Variants in RHOBTB1 observed in about 807,000 individuals in gnomAD.
RHOBTB1 encodes the protein Rho related BTB domain containing 1, also known as rho-related BTB domain-containing protein 1.
In RHOBTB1, 40 loss-of-function variants were observed where a neutral mutation model predicts 71.6. The ratio of observed to expected loss-of-function variants is 0.56; its 90% CI spans 0.43 to 0.73. The LOEUF is 0.73. Ranked by LOEUF, RHOBTB1 falls within the 30% of genes least tolerant of loss-of-function variation. The pLI is 0.00. For missense variants in RHOBTB1, 797 were observed against 894.0 expected, an observed-to-expected ratio of 0.89 and a Z score of 1.38; for synonymous variants, 319 against 334.9, an observed-to-expected ratio of 0.95 and a Z score of 0.52.
chr10:61,001,043 AGT>A (rs146849672), intron 1 of RHOBTB1, among the ~76,000 whole-genome samples: 7 of 149,412 alleles, frequency 4.7e-5, no homozygotes, highest in Admixed American at 6.6e-5. Flanking sequence ...CGCCTCCGCC[AGT>A]GTGTGTGTGT....
the RHOBTB1 span, among the ~76,000 whole-genome samples, chr10:60,862,748 TTTCC>T: frequency 6.7e-6 from 1 of 150,232 alleles, no homozygotes; most frequent in Non-Finnish European, 1.5e-5. Flanking sequence ...TCTCCTTCCC[TTTCC>T]TTCCTTCCTT....
intron 6 of RHOBTB1, among the ~76,000 whole-genome samples, chr10:60,886,713 G>T (rs2081594241): frequency 7.6e-6 from 1 of 130,966 alleles, no homozygotes; most frequent in Admixed American, 7.6e-5. Context: ...TTTTTTAAGA[G>T]ATGTGGGGGG....
At chr10:60,993,114 C>T (rs1188475252) in intron 1 of RHOBTB1, among the ~76,000 whole-genome samples, 1 of 151,996 alleles carries the variant, frequency 6.6e-6, no homozygotes, top group African/African-American at 2.4e-5. Context: ...GGGGACGTGT[C>T]TCTCTGCTTG....
chr10:60,905,449 C>CAAAAAAAAAAAAAA (rs35538782), intron 4 of RHOBTB1, among the ~76,000 whole-genome samples: 25 of 48,980 alleles, frequency 5.1e-4, no homozygotes, highest in Non-Finnish European at 8.4e-4. Context: ...GACTCTTTCT[C>CAAAAAAAAAAAAAA]AAAAAAAAAA....
At chr10:60,892,751 C>T in intron 5 of RHOBTB1, 59 bp downstream of exon 5, 4 of 1,479,356 alleles carry the variant, frequency 2.7e-6, no homozygotes, top group South Asian at 1.3e-5. Flanking sequence ...ACAGAGACAC[C>T]TGCTGCCTGT....
At chr10:60,866,779 C>T (rs1443926169), downstream of RHOBTB1, among the ~76,000 whole-genome samples, 2 of 151,932 alleles carry the variant, frequency 1.3e-5, no homozygotes, top group South Asian at 2.1e-4. Flanking sequence ...CCCTCCAGCC[C>T]ATTATTATTA....
At chr10:60,867,293 G>T (rs1234016560), downstream of RHOBTB1, among the ~76,000 whole-genome samples, 1 of 152,192 alleles carries the variant, frequency 6.6e-6, no homozygotes, top group Non-Finnish European at 1.5e-5. Flanking sequence ...TTTAAGAATA[G>T]TCAAACTTTG....
At chr10:60,883,193 CTT>C (rs2081406399) in intron 7 of RHOBTB1, among the ~76,000 whole-genome samples, 1 of 152,150 alleles carries the variant, frequency 6.6e-6, no homozygotes, top group Non-Finnish European at 1.5e-5. Flanking sequence ...GTTCCGTGGT[CTT>C]TGTCTTTTGA....
At chr10:60,869,356 C>G (rs1365632186), downstream of RHOBTB1, 1 of 152,208 alleles carries the variant, frequency 6.6e-6, no homozygotes, top group Non-Finnish European at 1.5e-5. Flanking sequence ...GACCCAGCAC[C>G]CTTAATGTTT....
chr10:60,966,018 G>T (rs942257549), intron 2 of RHOBTB1, among the ~76,000 whole-genome samples: 21 of 152,000 alleles, frequency 1.4e-4, no homozygotes, highest in African/African-American at 3.9e-4. Flanking sequence ...ACTGTGATGG[G>T]GATAGGTCTG....
chr10:60,941,547 A>G (rs533688810), intron 2 of RHOBTB1, among the ~76,000 whole-genome samples: 2 of 152,286 alleles, frequency 1.3e-5, no homozygotes, highest in South Asian at 4.1e-4. Flanking sequence ...CACCACTCTG[A>G]TGCCTAAAGT....
In RHOBTB1 at chr10:60,985,591, A is replaced by G. The variant is rs977778136; in HGVS notation, c.-62+254T>C. On this transcript the variant is annotated intron_variant, in intron 2 of 11. Transcript: ENST00000357917. ...GTGGATAGAAGAGTTATGTTATTTT[A>G]GTAATCAAAACTCATATGTAGGTCC... Among the ~76,000 whole-genome samples, 3 of 152,250 alleles carry G rather than the reference A, an allele frequency of 2.0e-5. No homozygotes were observed. The East Asian group carries it at 5.8e-4, about 29-fold the overall frequency.
intron 2 of RHOBTB1, among the ~76,000 whole-genome samples, chr10:60,953,998 T>TG (rs1432634344): frequency 6.6e-6 from 1 of 152,178 alleles, no homozygotes; most frequent in Non-Finnish European, 1.5e-5. Context: ...CATGTTATTG[T>TG]GGTTTAATCA....
At chr10:60,914,155 G>A (rs1014214619) in intron 2 of RHOBTB1, among the ~76,000 whole-genome samples, 6 of 152,204 alleles carry the variant, frequency 3.9e-5, no homozygotes, top group Non-Finnish European at 8.8e-5. Flanking sequence ...AAGATGTGGT[G>A]TAGCTGATCT....
At chr10:60,924,589 C>A (rs1340369800) in intron 2 of RHOBTB1, among the ~76,000 whole-genome samples, 1 of 152,106 alleles carries the variant, frequency 6.6e-6, no homozygotes, top group East Asian at 1.9e-4. Flanking sequence ...GAAAGATCAT[C>A]TAGACAGAAA....
chr10:60,938,942 G>C (rs780924052), intron 2 of RHOBTB1, among the ~76,000 whole-genome samples: 1 of 152,076 alleles, frequency 6.6e-6, no homozygotes, highest in African/African-American at 2.4e-5. Context: ...TATCACAGCA[G>C]TCATTAGGAG....
chr10:60,889,636 GA>G (rs1478746126), intron 5 of RHOBTB1, among the ~76,000 whole-genome samples: 3 of 151,930 alleles, frequency 2.0e-5, no homozygotes, highest in African/African-American at 7.3e-5. Flanking sequence ...CCTAAATAGA[GA>G]GTGTTTTACT....
Position 60,959,582 on chromosome 10 carries a change from C to T in RHOBTB1, c.-61-17728G>A, listed in dbSNP as rs182670545. Among the ~76,000 whole-genome samples, 203 of 152,234 alleles carry T rather than the reference C, an allele frequency of 1.3e-3. 1 individual carries two copies. Among genetic ancestry groups the T allele is most frequent in the African/African-American group, 4.9e-3 (203 of 41,548 alleles). On this transcript the variant is annotated intron_variant, in intron 2 of 11. Transcript: ENST00000357917. ...CTGAAACAAAAATGAAACAAACAAA[C>T]AAACAAATAGCTGAACTTCTCAGTC...
intron 4 of RHOBTB1, among the ~76,000 whole-genome samples, chr10:60,907,688 A>G (rs1486283724): frequency 6.6e-6 from 1 of 152,162 alleles, no homozygotes; most frequent in Non-Finnish European, 1.5e-5. Context: ...CTTCCTGAAG[A>G]CATGGGGTCA....
Sources: allele counts gnomAD v4.1 joint callset (sites outside exome capture counted in the v4.1 genomes callset), GRCh38; gene constraint gnomAD v4.1.1; transcripts MANE v1.5; gene names NCBI Gene and HGNC (gene_info 2026-07-23, HGNC 2026-07-21).